Variants in GK5 observed in about 807,000 individuals in gnomAD.
GK5 encodes the protein glycerol kinase 5.
Under a neutral mutation model 77.3 loss-of-function variants are expected in GK5, and 39 were observed. The observed-to-expected ratio is 0.50, with a 90% confidence interval of 0.39 to 0.66. GK5 has a LOEUF of 0.66. Among genes scored for constraint, GK5 ranks in the 30% least tolerant of loss-of-function variants. The pLI is 0.00. For synonymous variants in GK5, 211 were observed against 208.0 expected, an observed-to-expected ratio of 1.01 and a Z score of -0.13; for missense variants, 487 against 633.8, an observed-to-expected ratio of 0.77 and a Z score of 2.49.
chr3:142,179,926 C>T (rs2063670289), intron 11 of GK5, among the ~76,000 whole-genome samples: 1 of 152,294 alleles, frequency 6.6e-6, no homozygotes, highest in Admixed American at 6.5e-5. Context: ...AACCCAAGGA[C>T]TCAGATCTGT....
intron 3 of GK5, 74 bp from the exon 4 acceptor site, chr3:142,204,862 A>G (rs1340197076): frequency 1.5e-5 from 12 of 816,946 alleles, no homozygotes; most frequent in Non-Finnish European, 2.4e-5. Flanking sequence ...CATAAGAGAA[A>G]ACAAAATTAG....
In GK5 at chr3:142,159,776, A is replaced by G. The variant is rs1303320771; in HGVS notation, c.*5846T>C. 6.6e-6 allele frequency: 1 copy of G among 151,874 alleles called. No individual in the cohort carries two copies. The highest frequency in any genetic ancestry group is 2.4e-5 in the African/African-American group (1 of 41,328). The allele number at this position is 151,874 out of a possible 1,614,324, so 9.4% of individuals were successfully genotyped here. A position where few individuals can be genotyped will look rare whatever the true frequency, so the allele number is the denominator to read the frequency against. On this transcript the variant is annotated 3_prime_UTR_variant, in exon 16 of 16. Coordinates refer to ENST00000392993, the MANE Select transcript of GK5 (RefSeq NM_001039547.3). Reference sequence around the variant, plus strand: ...GAAGACCTGGCTTTGGGTTTACAATAAGACGATTCTGGGACCAAGTAGGTT... The same window carrying G: ...GAAGACCTGGCTTTGGGTTTACAATGAGACGATTCTGGGACCAAGTAGGTT...
At chr3:142,194,596 G>A (rs888576323) in intron 5 of GK5, among the ~76,000 whole-genome samples, 3 of 151,752 alleles carry the variant, frequency 2.0e-5, no homozygotes, top group Non-Finnish European at 2.9e-5. Context: ...GGCGGCTGAA[G>A]TAAGAGGATC....
rs1211813258 is a variant in GK5, at chr3:142,207,217, C to T, written c.318-2429G>A. Among the ~76,000 whole-genome samples, 3 of 152,176 alleles carry T rather than the reference C, an allele frequency of 2.0e-5. No homozygotes were observed. The East Asian group carries it at 5.8e-4, about 29-fold the overall frequency. ...GTGACCCTTGTGGAGAGCCTATAAA[C>T]GGACGCATGAGGGGGGTGCCTATCC... On this transcript the variant is annotated intron_variant, in intron 3 of 15. Transcript: ENST00000392993.
chr3:142,173,463 C>G (rs1163141055), intron 12 of GK5, among the ~76,000 whole-genome samples: 1 of 151,964 alleles, frequency 6.6e-6, no homozygotes, highest in Non-Finnish European at 1.5e-5. Context: ...AAAGGTGGAC[C>G]ACTTGAGTCA....
At chr3:142,171,397 A>C in intron 14 of GK5, 22 bp downstream of exon 14, 2 of 1,468,810 alleles carry the variant, frequency 1.4e-6, no homozygotes, top group Non-Finnish European at 1.8e-6. Context: ...AATTAAGTCT[A>C]TTAGAAATAA....
intron 11 of GK5, among the ~76,000 whole-genome samples, chr3:142,181,179 T>C (rs184415711): frequency 1.3e-5 from 2 of 152,384 alleles, no homozygotes; most frequent in Admixed American, 6.5e-5. Flanking sequence ...AAATTGTTTT[T>C]ACCAATTTGT....
chr3:142,176,131 T>C (rs147237680), intron 12 of GK5, among the ~76,000 whole-genome samples: 1 of 152,074 alleles, frequency 6.6e-6, no homozygotes, highest in African/African-American at 2.4e-5. Flanking sequence ...ATGGAATCAA[T>C]TCACAAGCTC....
In GK5 at chr3:142,159,492, G is replaced by C. The variant is rs575047363; in HGVS notation, c.*6130C>G. On this transcript the variant is annotated 3_prime_UTR_variant, in exon 16 of 16. Transcript: ENST00000392993. Reference sequence around the variant, plus strand: ...GAAATATCTGATTTTGCAAGCACCTGTTTCTGTCCTTCCCACTCCAAGATC... The same window carrying C: ...GAAATATCTGATTTTGCAAGCACCTCTTTCTGTCCTTCCCACTCCAAGATC... 1 of 152,208 alleles carries C rather than the reference G, an allele frequency of 6.6e-6. No individual in the cohort carries two copies. Among genetic ancestry groups the C allele is most frequent in the African/African-American group, 2.4e-5 (1 of 41,530 alleles). 9.4% of individuals were successfully genotyped at this position (152,208 alleles called of 1,614,324 possible).
At chr3:142,182,896 T>C (rs1177004345) in intron 10 of GK5, 27 bp downstream of exon 10, 5 of 1,532,008 alleles carry the variant, frequency 3.3e-6, no homozygotes, top group African/African-American at 2.7e-5. Context: ...ATTTTATTAA[T>C]AAATAGGATA....
chr3:142,191,854 G>A (rs779102384), intron 5 of GK5, among the ~76,000 whole-genome samples: 4 of 151,842 alleles, frequency 2.6e-5, no homozygotes, highest in East Asian at 1.9e-4. Context: ...AACATTAGCC[G>A]GGCATGGTGG....
At chr3:142,208,921 A>C (rs1053732051) in intron 3 of GK5, among the ~76,000 whole-genome samples, 2 of 152,172 alleles carry the variant, frequency 1.3e-5, no homozygotes, top group Admixed American at 6.5e-5. Flanking sequence ...AGGCCGAGGA[A>C]GGCGGATCAC....
chr3:142,195,962 CT>C (rs2063927036), intron 5 of GK5, among the ~76,000 whole-genome samples: 1 of 152,100 alleles, frequency 6.6e-6, no homozygotes. Flanking sequence ...TGGCTCTGGG[CT>C]TTTCTAGGTG....
intron 4 of GK5, among the ~76,000 whole-genome samples, chr3:142,203,547 G>A (rs1053896632): frequency 6.6e-6 from 1 of 152,194 alleles, no homozygotes; most frequent in Non-Finnish European, 1.5e-5. Context: ...GGCCAAGGCA[G>A]GCGGATCATC....
At chr3:142,187,538 G>A (rs1489772835) in intron 6 of GK5, among the ~76,000 whole-genome samples, 166 bp downstream of exon 6, 1 of 151,674 alleles carries the variant, frequency 6.6e-6, no homozygotes, top group Non-Finnish European at 1.5e-5. Context: ...CCAGGAAGCT[G>A]AGGCTGCAGT....
At chr3:142,202,027 C>T (rs1393521885) in intron 4 of GK5, among the ~76,000 whole-genome samples, 4 of 152,076 alleles carry the variant, frequency 2.6e-5, no homozygotes, top group African/African-American at 4.8e-5. Flanking sequence ...GATCCAGCCA[C>T]GATGGCAGAG....
At chr3:142,200,128 T>TACACAC (rs1467907234) in intron 4 of GK5, among the ~76,000 whole-genome samples, 1 of 148,128 alleles carries the variant, frequency 6.8e-6, no homozygotes, top group Non-Finnish European at 1.5e-5. Context: ...CACAAACACA[T>TACACAC]ACACACACAC....
Position 142,225,543 on chromosome 3 carries a change from C to CCCGGGG in GK5, c.-89_-88insCCCCGG. ...GCTCCAGAGTCCCCGGGCGGCCCAA[C>CCCGGGG]CCGGGCCCCAACCCGGCTCAGCCGG... On this transcript the variant is annotated 5_prime_UTR_variant, in exon 1 of 16. Transcript: ENST00000392993. 2 of 1,483,844 alleles carry CCCGGGG rather than the reference C, an allele frequency of 1.3e-6. No individual in the cohort carries two copies. The highest frequency in any genetic ancestry group is 1.8e-6 in the Non-Finnish European group (2 of 1,114,886). 91.9% of individuals were successfully genotyped at this position (1,483,844 alleles called of 1,614,324 possible). A position where few individuals can be genotyped will look rare whatever the true frequency, so the allele number is the denominator to read the frequency against.
chr3:142,184,382 T>C (rs763900160), intron 9 of GK5, among the ~76,000 whole-genome samples: 5 of 149,790 alleles, frequency 3.3e-5, no homozygotes, highest in Non-Finnish European at 7.4e-5. Context: ...TAACCAACCC[T>C]CACAAATTTA....
Sources: gnomAD v4.1 joint callset for allele counts (sites outside exome capture counted in the v4.1 genomes callset) on GRCh38, gnomAD v4.1.1 for gene constraint, MANE v1.5 for transcripts, NCBI Gene and HGNC (gene_info 2026-07-23, HGNC 2026-07-21) for gene names.